Variants in DMD observed in about 807,000 individuals in gnomAD.
DMD encodes mutant dystrophin.
Under a neutral mutation model 330.1 loss-of-function variants are expected in DMD, and 63 were observed. The observed-to-expected ratio is 0.19, with a 90% CI of 0.16 to 0.24. DMD has a LOEUF of 0.24. Ranked by LOEUF, DMD falls within the 10% of genes least tolerant of loss-of-function variation. The pLI, the probability that DMD is intolerant of heterozygous loss-of-function variation, is 1.00. For synonymous variants in DMD, 1,223 were observed against 959.8 expected (o/e 1.27, Z -5.07); for missense variants, 3,344 against 2,684.1 (o/e 1.25, Z -5.43).
intron 17 of DMD, among the ~76,000 whole-genome samples, chrX:32,536,480 G>C (rs947418706): frequency 1.8e-5 from 2 of 111,361 alleles, no homozygotes; most frequent in African/African-American, 3.3e-5. Context: ...TCAAAGAGTG[G>C]TTAATTTAAG....
chrX:32,138,654 T>C lies in DMD; in HGVS notation c.6438+78262A>G, dbSNP rs367996526. ...AGATAGATATTGCATACTAAGTGTG[T>C]GGTGGATGGTTGCCAAGACCTGCAC... On this transcript the variant is annotated intron_variant, in intron 44 of 78. Coordinates refer to ENST00000357033, the MANE Select transcript of DMD (RefSeq NM_004006.3). 4.9e-3 allele frequency among the ~76,000 whole-genome samples: 549 copies of C among 112,105 alleles called. 2 individuals carry two copies. The highest frequency in any genetic ancestry group is 0.017 in the African/African-American group (520 of 30,830).
chrX:31,891,849 C>T (rs909927718), intron 47 of DMD, among the ~76,000 whole-genome samples: 2 of 111,863 alleles, frequency 1.8e-5, no homozygotes, highest in East Asian at 2.8e-4. Context: ...ATTTCAGAGC[C>T]GCTTTAACGG....
intron 44 of DMD, among the ~76,000 whole-genome samples, chrX:32,140,410 A>G (rs2096746960): frequency 8.9e-6 from 1 of 112,481 alleles, no homozygotes; most frequent in Admixed American, 9.5e-5. Flanking sequence ...AAAATCGTCA[A>G]CACTGGGATA....
chrX:32,179,529 A>G (rs1266445803), intron 44 of DMD, among the ~76,000 whole-genome samples: 1 of 112,584 alleles, frequency 8.9e-6, no homozygotes, highest in African/African-American at 3.2e-5. Context: ...ACCATAAGAA[A>G]TAAACACTGT....
At chrX:32,859,929 T>C (rs2081948381) in intron 2 of DMD, among the ~76,000 whole-genome samples, 1 of 111,838 alleles carries the variant, frequency 8.9e-6, no homozygotes, top group Non-Finnish European at 1.9e-5. Flanking sequence ...TGTAGCTCTC[T>C]GTCTTCAGTT....
intron 49 of DMD, among the ~76,000 whole-genome samples, chrX:31,831,699 T>A (rs185309922): frequency 3.6e-5 from 4 of 111,095 alleles, no homozygotes; most frequent in Non-Finnish European, 7.5e-5. Flanking sequence ...CCCGGGTTCA[T>A]GCCATTCTCC....
intron 30 of DMD, among the ~76,000 whole-genome samples, chrX:32,407,604 C>T (rs1294091887): frequency 9.0e-6 from 1 of 110,541 alleles, no homozygotes; most frequent in African/African-American, 3.3e-5. Context: ...ACCATTTGAC[C>T]CAGCCATCCC....
At chrX:32,581,665 T>C (rs2053666589) in intron 13 of DMD, among the ~76,000 whole-genome samples, 1 of 111,880 alleles carries the variant, frequency 8.9e-6, no homozygotes, top group Non-Finnish European at 1.9e-5. Flanking sequence ...ACATAAAAAT[T>C]TAATTTTAAA....
intron 1 of DMD, among the ~76,000 whole-genome samples, chrX:33,157,307 G>T (rs964515919): frequency 9.0e-6 from 1 of 111,207 alleles, no homozygotes; most frequent in Non-Finnish European, 1.9e-5. Flanking sequence ...CGTCACTCGG[G>T]ATAGCCTCTG....
intron 62 of DMD, among the ~76,000 whole-genome samples, chrX:31,299,368 A>G (rs1342474420): frequency 8.9e-6 from 1 of 111,974 alleles, no homozygotes; most frequent in Non-Finnish European, 1.9e-5. Context: ...AAAAAAAAGC[A>G]CATCTCCCTA....
At chrX:32,310,740 G>A (rs971226426) in intron 41 of DMD, among the ~76,000 whole-genome samples, 1 of 110,311 alleles carries the variant, frequency 9.1e-6, no homozygotes, top group African/African-American at 3.3e-5. Context: ...AGTTCACTGA[G>A]ATACAACAGA....
At chrX:32,967,484 A>G (rs1259564647) in intron 2 of DMD, among the ~76,000 whole-genome samples, 1 of 111,691 alleles carries the variant, frequency 9.0e-6, no homozygotes, top group African/African-American at 3.3e-5. Context: ...TTGAGTGTAA[A>G]AAGTTTAGAG....
chrX:31,415,105 T>A (rs191197194), intron 60 of DMD, among the ~76,000 whole-genome samples: 119 of 112,297 alleles, frequency 1.1e-3, no homozygotes, highest in South Asian at 6.3e-3. Context: ...TTGTATTGTA[T>A]CCAAACTTCC....
At chrX:32,318,368 A>G in intron 41 of DMD, among the ~76,000 whole-genome samples, 1 of 111,877 alleles carries the variant, frequency 8.9e-6, no homozygotes, top group East Asian at 2.8e-4. Flanking sequence ...AACATGATGC[A>G]GGTGAGACGG....
chrX:33,128,338 A>G (rs372113166), intron 1 of DMD: 12 of 1,026,682 alleles, frequency 1.2e-5, no homozygotes, highest in East Asian at 1.1e-4. Flanking sequence ...ACAAAAGCAG[A>G]CAAACACACA....
chrX:31,189,801 A>G (rs2148409625), intron 67 of DMD, among the ~76,000 whole-genome samples: 1 of 112,636 alleles, frequency 8.9e-6, no homozygotes, highest in African/African-American at 3.2e-5. Flanking sequence ...AAAGCTGCCT[A>G]GTCATCCTGA....
At chrX:31,664,801 A>T (rs1159289295) in intron 53 of DMD, among the ~76,000 whole-genome samples, 8 of 106,698 alleles carry the variant, frequency 7.5e-5, no homozygotes, top group Non-Finnish European at 1.9e-5. Context: ...CTCTCAAACC[A>T]CCCTTCCACC....
intron 2 of DMD, among the ~76,000 whole-genome samples, chrX:32,892,796 C>CT (rs2085339899): frequency 8.9e-6 from 1 of 112,028 alleles, no homozygotes; most frequent in Non-Finnish European, 1.9e-5. Flanking sequence ...CAGCTCAGGC[C>CT]TACACGCTTG....
Position 31,146,443 on chromosome X carries a change from C to CT in DMD, c.10798-30dup, listed in dbSNP as rs1178947430. 5.0e-6 allele frequency: 6 copies of CT among 1,193,504 alleles called. No individual in the cohort carries two copies. The African/African-American group carries it at 1.1e-4, about 21-fold the overall frequency. On this transcript the variant is annotated intron_variant, in intron 75 of 78. Transcript: ENST00000357033. ...AGTCATCCAAAAGAAAACAGAATTA[C>CT]TTTTCATAATAAACATACAAATGTA...
Sources: allele counts gnomAD v4.1 joint callset (sites outside exome capture counted in the v4.1 genomes callset), GRCh38; gene constraint gnomAD v4.1.1; transcripts MANE v1.5; gene names NCBI Gene and HGNC (gene_info 2026-07-23, HGNC 2026-07-21).